Variants in PCDH9 observed in about 807,000 individuals in gnomAD.
PCDH9 encodes protocadherin-9.
A neutral mutation model predicts 70.6 loss-of-function variants in PCDH9; 24 were observed. That is an observed-to-expected ratio of 0.34 (90% CI 0.25 to 0.48). The LOEUF (loss-of-function observed/expected upper bound fraction) is 0.48, where lower values mean the gene tolerates loss of function less well. Among genes scored for constraint, PCDH9 ranks in the 20% least tolerant of loss-of-function variants. The pLI, the probability that PCDH9 is intolerant of heterozygous loss-of-function variation, is 0.99. For synonymous variants in PCDH9, 562 were observed against 558.5 expected (o/e 1.01, Z -0.09); for missense variants, 1,281 against 1,503.6 (o/e 0.85, Z 2.45).
chr13:66,325,273 T>G (rs1955822821), intron 4 of PCDH9, among the ~76,000 whole-genome samples: 2 of 152,064 alleles, frequency 1.3e-5, no homozygotes, highest in African/African-American at 4.8e-5. Context: ...GGGAGAATAG[T>G]TATTCAGAAA....
chr13:66,954,264 A>G (rs2083231960), intron 2 of PCDH9, among the ~76,000 whole-genome samples: 1 of 152,248 alleles, frequency 6.6e-6, no homozygotes, highest in Admixed American at 6.5e-5. Flanking sequence ...GTATAAATAC[A>G]TAATTATATA....
chr13:66,865,954 G>A (rs759583197), intron 3 of PCDH9, among the ~76,000 whole-genome samples: 12 of 152,076 alleles, frequency 7.9e-5, no homozygotes, highest in Non-Finnish European at 1.3e-4. Context: ...AGGTTCATTC[G>A]TTTACCACAC....
At chr13:67,012,245 A>G (rs2084465357) in intron 2 of PCDH9, among the ~76,000 whole-genome samples, 1 of 151,722 alleles carries the variant, frequency 6.6e-6, no homozygotes, top group African/African-American at 2.4e-5. Flanking sequence ...AAACTATTAG[A>G]AATTCAATAA....
chr13:67,046,305 C>A (rs17195266), intron 2 of PCDH9, among the ~76,000 whole-genome samples: 16,386 of 152,106 alleles, frequency 0.11, 977 homozygotes, highest in African/African-American at 0.13. Flanking sequence ...ACTCTTTTAG[C>A]AAATAACTCT....
chr13:66,494,129 T>C (rs1444680934), intron 4 of PCDH9, among the ~76,000 whole-genome samples: 1 of 152,108 alleles, frequency 6.6e-6, no homozygotes, highest in Non-Finnish European at 1.5e-5. Context: ...TGCAGAGATG[T>C]AGAACCTGAG....
intron 3 of PCDH9, among the ~76,000 whole-genome samples, chr13:66,893,347 C>G (rs1348975022): frequency 6.6e-6 from 1 of 152,104 alleles, no homozygotes; most frequent in Admixed American, 6.6e-5. Flanking sequence ...GGGCTAGTCT[C>G]CAATCCTGGG....
chr13:67,034,794 G>C lies in PCDH9; in HGVS notation c.3037-131189C>G, dbSNP rs934094695. Among the ~76,000 whole-genome samples the C allele has an allele frequency of 2.0e-5, 3 of 150,636 alleles. No homozygotes were observed. In the Admixed American group the frequency reaches 2.0e-4, roughly 10 times the overall value. On this transcript the variant is annotated intron_variant, in intron 2 of 4. Transcript: ENST00000377865. ...TTCATCACCTATTTCTTAAAATTTA[G>C]TCTGTTCAAAAATTGTTTTAACTAT...
intron 4 of PCDH9, among the ~76,000 whole-genome samples, chr13:66,608,718 C>T (rs2077253143): frequency 6.6e-6 from 1 of 151,604 alleles, no homozygotes; most frequent in Non-Finnish European, 1.5e-5. Flanking sequence ...AACCTAGGAG[C>T]TCTTTAGGCA....
At chr13:66,561,182 G>T (rs1962007301) in intron 4 of PCDH9, among the ~76,000 whole-genome samples, 1 of 152,224 alleles carries the variant, frequency 6.6e-6, no homozygotes, top group Non-Finnish European at 1.5e-5. Flanking sequence ...CCCGCCACCG[G>T]GGCAGTGAGG....
At chr13:66,997,406 G>A (rs2139811875) in intron 2 of PCDH9, among the ~76,000 whole-genome samples, 1 of 152,268 alleles carries the variant, frequency 6.6e-6, no homozygotes, top group South Asian at 2.1e-4. Context: ...CTCATAGAGG[G>A]AGAACTCATT....
intron 2 of PCDH9, among the ~76,000 whole-genome samples, chr13:67,105,892 G>T (rs1594519043): frequency 6.6e-6 from 1 of 150,866 alleles, no homozygotes. Context: ...ATACATTAAA[G>T]GATAGAGAAA....
chr13:66,808,117 T>G (rs1594087161), intron 3 of PCDH9, among the ~76,000 whole-genome samples: 1 of 152,162 alleles, frequency 6.6e-6, no homozygotes, highest in Non-Finnish European at 1.5e-5. Flanking sequence ...AAGGAAAACC[T>G]AGACATTACT....
chr13:66,588,946 T>C (rs1212153497), intron 4 of PCDH9, among the ~76,000 whole-genome samples: 1 of 152,060 alleles, frequency 6.6e-6, no homozygotes, highest in Non-Finnish European at 1.5e-5. Context: ...AAGTTTTAAG[T>C]TCCTTAGTAA....
At chr13:67,104,396 T>C (rs894084649) in intron 2 of PCDH9, among the ~76,000 whole-genome samples, 2 of 152,274 alleles carry the variant, frequency 1.3e-5, no homozygotes, top group Admixed American at 1.3e-4. Flanking sequence ...TGTAATGACA[T>C]TCCCCGCCCA....
chr13:66,719,381 G>A (rs763898840), intron 3 of PCDH9, among the ~76,000 whole-genome samples: 1 of 152,140 alleles, frequency 6.6e-6, no homozygotes, highest in African/African-American at 2.4e-5. Context: ...AAGTAATTTA[G>A]TCAGGAGGTC....
At chr13:66,865,363 T>A (rs952014207) in intron 3 of PCDH9, among the ~76,000 whole-genome samples, 1 of 152,236 alleles carries the variant, frequency 6.6e-6, no homozygotes, top group Non-Finnish European at 1.5e-5. Context: ...ATTATTTTTA[T>A]ATATAGTCAA....
intron 3 of PCDH9, among the ~76,000 whole-genome samples, chr13:66,705,599 C>G (rs1051712020): frequency 6.6e-6 from 1 of 152,124 alleles, no homozygotes; most frequent in African/African-American, 2.4e-5. Context: ...TCACATATAT[C>G]TTAAAATTTT....
intron 4 of PCDH9, among the ~76,000 whole-genome samples, chr13:66,404,081 A>G (rs1957236448): frequency 1.3e-5 from 2 of 152,224 alleles, no homozygotes; most frequent in African/African-American, 4.8e-5. Context: ...GTTAACTATC[A>G]GGAAAACTGC....
intron 3 of PCDH9, among the ~76,000 whole-genome samples, chr13:66,668,617 C>A (rs2078128819): frequency 1.3e-5 from 2 of 152,120 alleles, no homozygotes; most frequent in African/African-American, 4.8e-5. Flanking sequence ...ATGTGAAAAT[C>A]TTGGTGAAAT....
Sources: gnomAD v4.1 joint callset for allele counts (sites outside exome capture counted in the v4.1 genomes callset) on GRCh38, gnomAD v4.1.1 for gene constraint, MANE v1.5 for transcripts, NCBI Gene and HGNC (gene_info 2026-07-23, HGNC 2026-07-21) for gene names.